RBMS3: variants seen among roughly 807,000 people sequenced by gnomAD.
The protein encoded by RBMS3 is RNA binding motif single stranded interacting protein 3.
In RBMS3, 27 loss-of-function variants were observed where a neutral mutation model predicts 66.8. The observed-to-expected ratio is 0.40, with a 90% CI of 0.30 to 0.56. The LOEUF is 0.56. RBMS3 is among the 20% of genes least tolerant of loss of function. The pLI is 0.40. For synonymous variants in RBMS3, 188 were observed against 183.0 expected (o/e 1.03, Z -0.22); for missense variants, 513 against 549.5 (o/e 0.93, Z 0.66).
intron 7 of RBMS3, among the ~76,000 whole-genome samples, chr3:29,882,400 G>C (rs2059757892): frequency 6.6e-6 from 1 of 152,046 alleles, no homozygotes; most frequent in African/African-American, 2.4e-5. Context: ...ATTATCAGTT[G>C]CATATTTCTT....
chr3:29,863,380 TA>T (rs1440498802), intron 6 of RBMS3, among the ~76,000 whole-genome samples: 1 of 151,992 alleles, frequency 6.6e-6, no homozygotes, highest in African/African-American at 2.4e-5. Context: ...AGTATAATAA[TA>T]AAAAGAAAAT....
At chr3:29,925,785 T>C (rs1265957922) in intron 10 of RBMS3, among the ~76,000 whole-genome samples, 1 of 152,118 alleles carries the variant, frequency 6.6e-6, no homozygotes, top group Non-Finnish European at 1.5e-5. Context: ...TGTACTAAGC[T>C]CCCTGATGAT....
At chr3:29,465,022 T>C (rs1443960930) in intron 2 of RBMS3, among the ~76,000 whole-genome samples, 1 of 152,222 alleles carries the variant, frequency 6.6e-6, no homozygotes, top group Non-Finnish European at 1.5e-5. Context: ...GTACCAGATA[T>C]GTAGTTTAAA....
chr3:29,504,854 T>C (rs1276907022), intron 3 of RBMS3, among the ~76,000 whole-genome samples: 3 of 152,142 alleles, frequency 2.0e-5, no homozygotes, highest in Non-Finnish European at 4.4e-5. Flanking sequence ...ATGGTGAGCA[T>C]GTTTTCATAT....
intron 6 of RBMS3, among the ~76,000 whole-genome samples, chr3:29,794,902 C>T (rs1039949888): frequency 1.3e-5 from 2 of 152,128 alleles, no homozygotes; most frequent in Non-Finnish European, 2.9e-5. Context: ...ATTTCTTTCT[C>T]GCAGGCCTCC....
chr3:29,820,128 G>C (rs1342547387), intron 6 of RBMS3, among the ~76,000 whole-genome samples: 1 of 134,078 alleles, frequency 7.5e-6, no homozygotes, highest in African/African-American at 2.8e-5. Flanking sequence ...GGTGGAGATT[G>C]CAATGAGCTG....
Position 29,903,642 on chromosome 3 carries a change from G to A in RBMS3, c.939+3887G>A, listed in dbSNP as rs180991930. On this transcript the variant is annotated intron_variant, in intron 10 of 14. Transcript: ENST00000383767. ...AAAAGATGATAATTTTCAAGAGGAA[G>A]CAGAGTTCCACTTTCTTAAACTTTA... 1.3e-3 allele frequency among the ~76,000 whole-genome samples: 198 copies of A among 152,100 alleles called. 4 individuals are homozygous for A. The highest frequency in any genetic ancestry group is 2.0e-3 in the Non-Finnish European group (139 of 67,932).
intron 1 of RBMS3, among the ~76,000 whole-genome samples, chr3:29,292,499 C>T (rs374758124): frequency 3.6e-4 from 55 of 151,878 alleles, no homozygotes; most frequent in Admixed American, 2.4e-3. Context: ...CAGTATATTA[C>T]GCAAGTTAGC....
At chr3:29,735,051 T>C (rs1366833516) in intron 4 of RBMS3, among the ~76,000 whole-genome samples, 1 of 152,110 alleles carries the variant, frequency 6.6e-6, no homozygotes, top group Admixed American at 6.6e-5. Context: ...GTTTTAAAAT[T>C]GTGTTCTACT....
At chr3:29,371,731 TA>T (rs1448084398) in intron 1 of RBMS3, among the ~76,000 whole-genome samples, 7 of 152,130 alleles carry the variant, frequency 4.6e-5, no homozygotes, top group Non-Finnish European at 1.0e-4. Context: ...ACATTTGATC[TA>T]AGTTTCTCAA....
intron 10 of RBMS3, chr3:29,926,670 G>C (rs2060947582): frequency 1.3e-5 from 2 of 152,116 alleles, no homozygotes; most frequent in African/African-American, 4.8e-5. Flanking sequence ...CTGAGTCCTA[G>C]TTAAACCCAG....
At chr3:29,696,098 G>T (rs913595545) in intron 4 of RBMS3, among the ~76,000 whole-genome samples, 4 of 152,148 alleles carry the variant, frequency 2.6e-5, no homozygotes, top group Non-Finnish European at 5.9e-5. Context: ...ACTCCCTTAG[G>T]ATCCTGATCT....
chr3:29,899,854 G>A, intron 10 of RBMS3, 99 bp downstream of exon 10: 2 of 1,202,994 alleles, frequency 1.7e-6, no homozygotes, highest in Admixed American at 2.0e-5. Flanking sequence ...GTTATAATAT[G>A]TAACTCGTTC....
chr3:29,362,827 C>A (rs2037679946), intron 1 of RBMS3, among the ~76,000 whole-genome samples: 1 of 152,310 alleles, frequency 6.6e-6, no homozygotes, highest in East Asian at 1.9e-4. Flanking sequence ...GACGTCGAAT[C>A]TATTCCCTGG....
chr3:29,872,243 C>T (rs1274752858), intron 7 of RBMS3, among the ~76,000 whole-genome samples: 1 of 152,014 alleles, frequency 6.6e-6, no homozygotes, highest in Non-Finnish European at 1.5e-5. Context: ...ATTAACTCAT[C>T]ATGTGCTAAT....
intron 10 of RBMS3, among the ~76,000 whole-genome samples, chr3:29,901,098 T>G (rs541398789): frequency 6.6e-6 from 1 of 151,796 alleles, no homozygotes; most frequent in South Asian, 2.1e-4. Flanking sequence ...TATTTACTAT[T>G]ATTTACACAC....
intron 4 of RBMS3, among the ~76,000 whole-genome samples, chr3:29,725,769 C>G (rs998183740): frequency 1.3e-5 from 2 of 152,152 alleles, no homozygotes; most frequent in Non-Finnish European, 2.9e-5. Context: ...GAGCCGAATT[C>G]TACCAGATGT....
At chr3:29,813,464 C>A (rs1319899385) in intron 6 of RBMS3, among the ~76,000 whole-genome samples, 1 of 152,070 alleles carries the variant, frequency 6.6e-6, no homozygotes, top group Non-Finnish European at 1.5e-5. Context: ...GCGATGCGGG[C>A]TCTTTTTTGG....
At chr3:29,402,755 G>A (rs2125669307) in intron 1 of RBMS3, among the ~76,000 whole-genome samples, 1 of 152,076 alleles carries the variant, frequency 6.6e-6, no homozygotes, top group African/African-American at 2.4e-5. Flanking sequence ...TTTTTCAAGG[G>A]GAGGAATGAT....
Sources: gnomAD v4.1 joint callset for allele counts (sites outside exome capture counted in the v4.1 genomes callset) on GRCh38, gnomAD v4.1.1 for gene constraint, MANE v1.5 for transcripts, NCBI Gene and HGNC (gene_info 2026-07-23, HGNC 2026-07-21) for gene names.